The following HS6ST2 variants were observed in gnomAD, a reference collection of about 807,000 sequenced individuals.
HS6ST2 encodes heparan-sulfate 6-O-sulfotransferase 2.
A neutral mutation model predicts 33.0 loss-of-function variants in HS6ST2; 17 were observed. That is an observed-to-expected ratio of 0.52 (90% CI 0.35 to 0.77). The LOEUF (loss-of-function observed/expected upper bound fraction) is 0.77, where lower values mean the gene tolerates loss of function less well. Among genes scored for constraint, HS6ST2 ranks in the 30% least tolerant of loss-of-function variants. The pLI, the probability that HS6ST2 is intolerant of heterozygous loss-of-function variation, is 0.01. For synonymous variants in HS6ST2, 248 were observed against 237.1 expected (o/e 1.05, Z -0.42); for missense variants, 519 against 551.7 (o/e 0.94, Z 0.59).
At chrX:132,664,176 A>AAT (rs1398813117) in intron 4 of HS6ST2, among the ~76,000 whole-genome samples, 1 of 110,593 alleles carries the variant, frequency 9.0e-6, no homozygotes, top group Non-Finnish European at 1.9e-5. Flanking sequence ...ATGCCCAGCT[A>AAT]ATTTTTTGTA....
intron 3 of HS6ST2, among the ~76,000 whole-genome samples, chrX:132,688,603 A>C (rs2064038011): frequency 9.0e-6 from 1 of 111,401 alleles, no homozygotes; most frequent in Non-Finnish European, 1.9e-5. Flanking sequence ...AGACCTCCTG[A>C]GAACTCACCC....
In HS6ST2 at chrX:132,701,626, G is replaced by A. The variant is rs185912338; in HGVS notation, c.980+6836C>T. Reference sequence around the variant, plus strand: ...ACCTGCTTCCCCATCTTCTCCCACAGAGCTCAATGGGACAGGACGGGAGGT... The same window carrying A: ...ACCTGCTTCCCCATCTTCTCCCACAAAGCTCAATGGGACAGGACGGGAGGT... On this transcript the variant is annotated intron_variant, in intron 3 of 4. Transcript: ENST00000370833. Among the ~76,000 whole-genome samples the A allele has an allele frequency of 7.1e-5, 8 of 111,998 alleles. No individual in the cohort carries two copies. The East Asian group carries it at 1.7e-3, about 24-fold the overall frequency.
intron 2 of HS6ST2, among the ~76,000 whole-genome samples, chrX:132,893,005 A>G (rs2066332031): frequency 8.9e-6 from 1 of 112,187 alleles, no homozygotes. Flanking sequence ...TTGTATTGTT[A>G]TGTTTTATTG....
At chrX:132,662,936 C>G (rs980942830) in intron 4 of HS6ST2, among the ~76,000 whole-genome samples, 3 of 112,122 alleles carry the variant, frequency 2.7e-5, no homozygotes, top group African/African-American at 9.7e-5. Flanking sequence ...CAGAATCATA[C>G]TGGCCAGGTC....
At chrX:132,903,760 G>C (rs1208050518) in intron 2 of HS6ST2, among the ~76,000 whole-genome samples, 3 of 111,898 alleles carry the variant, frequency 2.7e-5, no homozygotes, top group Non-Finnish European at 5.6e-5. Context: ...TGACTTTCTT[G>C]TTTTCATGCT....
At position 132,635,247 on chromosome X, in the gene HS6ST2, C is replaced by T. The variant is rs779982918; in HGVS notation, c.1068-6154G>A. 4.5e-5 allele frequency among the ~76,000 whole-genome samples: 5 copies of T among 111,900 alleles called. No individual in the cohort carries two copies. In the South Asian group the frequency reaches 1.5e-3, roughly 34 times the overall value. On this transcript the variant is annotated intron_variant, in intron 4 of 4. Transcript: ENST00000370833. ...CCCTCACTACTAAGAGCTAAACATT[C>T]GCTTAAGTCCTTTCCAGTTTCTAAT...
intron 2 of HS6ST2, among the ~76,000 whole-genome samples, chrX:132,946,689 C>A (rs2066960248): frequency 9.0e-6 from 1 of 111,691 alleles, no homozygotes. Context: ...ATGGGTGCAG[C>A]ACACCAACAT....
At chrX:132,862,448 G>A (rs1461079044) in intron 2 of HS6ST2, among the ~76,000 whole-genome samples, 2 of 111,858 alleles carry the variant, frequency 1.8e-5, no homozygotes, top group African/African-American at 6.5e-5. Context: ...TCCTTGCTCT[G>A]CCATTTGCAA....
intron 3 of HS6ST2, among the ~76,000 whole-genome samples, chrX:132,692,408 C>T (rs2064072802): frequency 9.0e-6 from 1 of 111,347 alleles, no homozygotes; most frequent in African/African-American, 3.3e-5. Context: ...CTTTGCTCCA[C>T]AGTTAAGCTA....
intron 2 of HS6ST2, among the ~76,000 whole-genome samples, chrX:132,888,988 T>C (rs1189418656): frequency 4.5e-5 from 5 of 110,591 alleles, no homozygotes; most frequent in African/African-American, 1.6e-4. Context: ...CAATCCCAAT[T>C]TACAGGTGAA....
chrX:132,873,206 A>C (rs1489372331), intron 2 of HS6ST2, among the ~76,000 whole-genome samples: 1 of 112,060 alleles, frequency 8.9e-6, no homozygotes, highest in East Asian at 2.8e-4. Context: ...CTGTAAATGC[A>C]CAGGATCAGG....
chrX:132,813,270 T>G (rs2065366321), intron 2 of HS6ST2, among the ~76,000 whole-genome samples: 1 of 111,967 alleles, frequency 8.9e-6, no homozygotes. Context: ...TCTTTAGCGC[T>G]TAGCAATGTT....
chrX:132,731,265 C>T (rs1602619869), intron 2 of HS6ST2, among the ~76,000 whole-genome samples: 1 of 111,626 alleles, frequency 9.0e-6, no homozygotes, highest in Non-Finnish European at 1.9e-5. Flanking sequence ...TCAGAAATAA[C>T]GAAGCCACTT....
Position 132,957,304 on chromosome X carries a change from A to G in HS6ST2, c.451T>C (p.Ser151Pro), listed in dbSNP as rs773371593. The G allele has an allele frequency of 1.3e-5, 15 of 1,160,856 alleles. No individual in the cohort carries two copies. The African/African-American group carries it at 1.4e-4, about 11-fold the overall frequency. The change falls in exon 2 of 5, where the codon TCC becomes CCC. Residue 151 changes from serine to proline, a missense_variant. Ser to Pro is a moderately conservative substitution (Grantham distance 74). Coordinates refer to ENST00000370833, the MANE Select transcript of HS6ST2 (RefSeq NM_001394073.1). The stretch of plus-strand genomic sequence containing the variant: ...ACCAAAGCTAGCAGCAGCTTGTTGG[A>G]TTTCTCATCCATGTTCCCGACGCTG... ...MASVGNMDEK[S>P]NKLLLALVML... is the part of the protein sequence containing the mutation.
chrX:132,748,485 C>A (rs2064669009), intron 2 of HS6ST2, among the ~76,000 whole-genome samples: 1 of 112,326 alleles, frequency 8.9e-6, no homozygotes, highest in Admixed American at 9.4e-5. Flanking sequence ...TACATACCAA[C>A]CTTTGGTGCC....
intron 2 of HS6ST2, among the ~76,000 whole-genome samples, chrX:132,864,616 C>T (rs1044813932): frequency 9.1e-6 from 1 of 109,922 alleles, no homozygotes; most frequent in Non-Finnish European, 1.9e-5. Flanking sequence ...TGTGAAAAGA[C>T]CAAACCTACA....
intron 2 of HS6ST2, among the ~76,000 whole-genome samples, chrX:132,822,326 C>T (rs375981104): frequency 2.7e-5 from 3 of 111,228 alleles, no homozygotes; most frequent in Non-Finnish European, 5.7e-5. Context: ...CATCCCTGCC[C>T]GTGGTCTCAG....
chrX:132,812,426 T>C (rs1015189444), intron 2 of HS6ST2, among the ~76,000 whole-genome samples: 15 of 102,793 alleles, frequency 1.5e-4, no homozygotes, highest in African/African-American at 4.2e-4. Context: ...ATAATAATAA[T>C]AATAATAATA....
intron 3 of HS6ST2, among the ~76,000 whole-genome samples, chrX:132,701,034 C>T (rs757616143): frequency 3.7e-4 from 41 of 111,637 alleles, no homozygotes; most frequent in Middle Eastern, 4.6e-3. Context: ...ACAAACGTAG[C>T]GCTAAGAATT....
Sources: gnomAD v4.1 joint callset for allele counts (sites outside exome capture counted in the v4.1 genomes callset) on GRCh38, gnomAD v4.1.1 for gene constraint, MANE v1.5 for transcripts, NCBI Gene and HGNC (gene_info 2026-07-23, HGNC 2026-07-21) for gene names.